The following CUX1 variants were observed in gnomAD, a reference collection of about 807,000 sequenced individuals.
CUX1 encodes the protein cut like homeobox 1.
A neutral mutation model predicts 158.8 loss-of-function variants in CUX1; 31 were observed. That is an observed-to-expected ratio of 0.20 (90% CI 0.15 to 0.26). CUX1 has a LOEUF of 0.26. Among genes scored for constraint, CUX1 ranks in the 10% least tolerant of loss-of-function variants. CUX1 has a pLI of 1.00. For synonymous variants in CUX1, 879 were observed against 862.1 expected (o/e 1.02, Z -0.34); for missense variants, 1,589 against 2,014.6 (o/e 0.79, Z 4.04).
chr7:101,930,550 T>C (rs753301399), intron 2 of CUX1, among the ~76,000 whole-genome samples: 15 of 152,218 alleles, frequency 9.9e-5, no homozygotes, highest in East Asian at 3.9e-4. Context: ...TTGACTAACA[T>C]TGGCTTTTCA....
At chr7:101,924,418 A>G (rs1225701738) in intron 2 of CUX1, among the ~76,000 whole-genome samples, 1 of 152,032 alleles carries the variant, frequency 6.6e-6, no homozygotes, top group Non-Finnish European at 1.5e-5. Flanking sequence ...CTGCCCTGAG[A>G]TAGTCACCAG....
intron 20 of CUX1, among the ~76,000 whole-genome samples, chr7:102,220,433 G>A (rs782360215): frequency 2.0e-5 from 3 of 152,214 alleles, no homozygotes; most frequent in African/African-American, 2.4e-5. Flanking sequence ...CACTCCAGGC[G>A]TAAACCACCA....
chr7:102,191,913 C>T (rs906114155), intron 12 of CUX1, among the ~76,000 whole-genome samples: 6 of 152,082 alleles, frequency 3.9e-5, no homozygotes, highest in Non-Finnish European at 5.9e-5. Context: ...CACAGCCTGC[C>T]GGACCACAGG....
intron 1 of CUX1, among the ~76,000 whole-genome samples, chr7:101,849,249 C>T (rs1361876928): frequency 4.0e-5 from 6 of 151,530 alleles, no homozygotes; most frequent in South Asian, 4.2e-4. Context: ...GTACAGATTA[C>T]GTCATCACCC....
At chr7:102,017,381 G>A (rs1360419877) in intron 2 of CUX1, among the ~76,000 whole-genome samples, 1 of 151,436 alleles carries the variant, frequency 6.6e-6, no homozygotes, top group Admixed American at 6.6e-5. Flanking sequence ...TGTCTGCCCC[G>A]AACCTAGCAC....
At position 102,063,383 on chromosome 7, in the gene CUX1, C is replaced by CTTT. The variant is rs11368644; in HGVS notation, c.190-6935_190-6933dup. Among the ~76,000 whole-genome samples the CTTT allele has an allele frequency of 8.6e-3, 769 of 89,228 alleles. 7 individuals carry two copies. The highest frequency in any genetic ancestry group is 0.018 in the East Asian group (47 of 2,648). 58.5% of individuals were successfully genotyped at this position (89,228 alleles called of 152,430 possible). A position where few individuals can be genotyped will look rare whatever the true frequency, so the allele number is the denominator to read the frequency against. ...CTTTACATATTAAGTATTTCCTTTT[C>CTTT]TTTTTTTTTTTTTTTTTTTTTTTGA... On this transcript the variant is annotated intron_variant, in intron 3 of 23. Transcript: ENST00000292535.
rs367718503 is a variant in CUX1, at chr7:102,196,865, A to T, written c.1454A>T (p.Gln485Leu). Residue 485 changes from glutamine to leucine, a missense_variant, in exon 15 of 24, where the codon CAG becomes CTG. By Grantham distance (113) the Gln-to-Leu change is moderately radical. Coordinates refer to ENST00000292535, the MANE Select transcript of CUX1 (RefSeq NM_181552.4). The stretch of plus-strand genomic sequence containing the variant: ...AAATTTGCACTAAACTCTCTTCTCC[A>T]GCGGCAGCTAATGCAGTCCTTCTAC... ...TGKFALNSLL[Q>L]RQLMQSFYSK... is the part of the protein sequence containing the mutation. 6.2e-7 allele frequency: 1 copy of T among 1,614,088 alleles called. No individual in the cohort carries two copies. Among genetic ancestry groups the T allele is most frequent in the African/African-American group, 1.3e-5 (1 of 74,928 alleles).
intron 1 of CUX1, among the ~76,000 whole-genome samples, chr7:101,849,912 ATTTTTTTTTTTTTT>A (rs71106570): frequency 0.02 from 2,477 of 124,314 alleles, 63 homozygotes; most frequent in Non-Finnish European, 0.023. Context: ...GTCTCATGCA[ATTTTTTTTTTTTTT>A]TTTTTTTTTT....
intron 2 of CUX1, among the ~76,000 whole-genome samples, chr7:102,006,053 A>T (rs1448625331): frequency 6.6e-6 from 1 of 152,196 alleles, no homozygotes; most frequent in African/African-American, 2.4e-5. Context: ...GAAGTCCGTC[A>T]TTCTCAGTGC....
At position 102,071,253 on chromosome 7, in the gene CUX1, G is replaced by A. The variant is rs533235203; in HGVS notation, c.268+836G>A. ...TGAGGTTACATGCAGGAGCCACCAC[G>A]CCTGGCCCTGTTTCTTCTTTTAGAG... On this transcript the variant is annotated intron_variant, in intron 4 of 23. Coordinates refer to ENST00000292535, the MANE Select transcript of CUX1 (RefSeq NM_181552.4). Among the ~76,000 whole-genome samples, 5 of 152,262 alleles carry A rather than the reference G, an allele frequency of 3.3e-5. No homozygotes were observed. In the South Asian group the frequency reaches 8.3e-4, roughly 25 times the overall value.
chr7:102,115,558 G>C (rs1276441320), intron 8 of CUX1: 8 of 321,292 alleles, frequency 2.5e-5, no homozygotes, highest in Non-Finnish European at 4.5e-5. Flanking sequence ...GACATTTTTT[G>C]TGTGGAGTTG....
At chr7:101,914,945 C>T (rs1335932987) in intron 1 of CUX1, among the ~76,000 whole-genome samples, 1 of 152,124 alleles carries the variant, frequency 6.6e-6, no homozygotes, top group Non-Finnish European at 1.5e-5. Flanking sequence ...GCCTGTGGGA[C>T]TTGGTGAGCT....
intron 6 of CUX1, among the ~76,000 whole-genome samples, chr7:102,111,000 G>A (rs553427747): frequency 3.7e-4 from 56 of 152,146 alleles, no homozygotes; most frequent in African/African-American, 1.3e-3. Flanking sequence ...GGTTGACTTT[G>A]TAAACTGTGT....
At chr7:101,952,550 G>T (rs913267025) in intron 2 of CUX1, among the ~76,000 whole-genome samples, 1 of 152,126 alleles carries the variant, frequency 6.6e-6, no homozygotes. Context: ...GACCTCATTC[G>T]CAGGGATCAG....
intron 1 of CUX1, among the ~76,000 whole-genome samples, chr7:101,861,322 A>T (rs1797438975): frequency 6.6e-6 from 1 of 152,112 alleles, no homozygotes; most frequent in African/African-American, 2.4e-5. Context: ...TCTGCGTAAT[A>T]GTTGATTCTC....
At chr7:101,936,779 C>T (rs527587766) in intron 2 of CUX1, among the ~76,000 whole-genome samples, 50 of 152,226 alleles carry the variant, frequency 3.3e-4, no homozygotes, top group Non-Finnish European at 6.5e-4. Flanking sequence ...CACGTGGGAC[C>T]GGCTAGGTGG....
rs77935505 is a variant in CUX1 at position 101,862,797 on chromosome 7, A to G, written c.30+45128A>G. On this transcript the variant is annotated intron_variant, in intron 1 of 23. Coordinates refer to ENST00000292535, the MANE Select transcript of CUX1 (RefSeq NM_181552.4). Reference sequence around the variant, plus strand: ...TGTGTGTGGAAAGTTTAGAGCTCCCAAAGTTTAGAGCTCAGAGAGGATAAA... The same window carrying G: ...TGTGTGTGGAAAGTTTAGAGCTCCCGAAGTTTAGAGCTCAGAGAGGATAAA... Among the ~76,000 whole-genome samples the G allele has an allele frequency of 5.7e-3, 868 of 152,178 alleles. 6 individuals carry two copies. The highest frequency in any genetic ancestry group is 0.02 in the African/African-American group (820 of 41,530).
chr7:102,276,909 G>C (rs1791644027), intron 17 of CUX1, among the ~76,000 whole-genome samples: 1 of 152,168 alleles, frequency 6.6e-6, no homozygotes. Context: ...GAATACAAAT[G>C]ACCGAACTGT....
chr7:101,988,633 C>T (rs1407997010), intron 2 of CUX1, among the ~76,000 whole-genome samples: 2 of 152,114 alleles, frequency 1.3e-5, no homozygotes, highest in Non-Finnish European at 2.9e-5. Context: ...GATCTTCCAG[C>T]TTTCCAGGCA....
Sources: allele counts gnomAD v4.1 joint callset (sites outside exome capture counted in the v4.1 genomes callset), GRCh38; gene constraint gnomAD v4.1.1; transcripts MANE v1.5; gene names NCBI Gene and HGNC (gene_info 2026-07-23, HGNC 2026-07-21).